DAB1: variants seen among roughly 807,000 people sequenced by gnomAD.
DAB1 encodes the protein disabled homolog 1.
Under a neutral mutation model 64.6 loss-of-function variants are expected in DAB1, and 15 were observed. The observed-to-expected ratio is 0.23, with a 90% confidence interval of 0.16 to 0.36. The LOEUF (loss-of-function observed/expected upper bound fraction) is 0.36, where lower values mean the gene tolerates loss of function less well. DAB1 is among the 10% of genes least tolerant of loss of function. The pLI, the probability that DAB1 is intolerant of heterozygous loss-of-function variation, is 1.00. For missense variants in DAB1, 596 were observed against 706.7 expected, an observed-to-expected ratio of 0.84 and a Z score of 1.78; for synonymous variants, 235 against 251.9, an observed-to-expected ratio of 0.93 and a Z score of 0.64.
intron 3 of DAB1, among the ~76,000 whole-genome samples, chr1:58,371,967 G>C (rs983547185): frequency 2.6e-5 from 4 of 152,246 alleles, no homozygotes; most frequent in African/African-American, 9.6e-5. Flanking sequence ...AGCCCTCATA[G>C]AGAACTTCTA....
intron 6 of DAB1, among the ~76,000 whole-genome samples, chr1:57,756,529 A>G (rs1648814756): frequency 6.6e-6 from 1 of 152,142 alleles, no homozygotes; most frequent in Non-Finnish European, 1.5e-5. Flanking sequence ...AGGGCAGGGA[A>G]GTTATTGGGG....
chr1:58,202,962 C>T (rs1658079723), intron 4 of DAB1, among the ~76,000 whole-genome samples: 1 of 152,188 alleles, frequency 6.6e-6, no homozygotes, highest in South Asian at 2.1e-4. Context: ...AGACAACCTG[C>T]TTTGCACCAT....
At chr1:57,891,933 T>A (rs533436954) in intron 5 of DAB1, among the ~76,000 whole-genome samples, 1 of 152,196 alleles carries the variant, frequency 6.6e-6, no homozygotes, top group Non-Finnish European at 1.5e-5. Context: ...CCATGGCACG[T>A]GTATACCTAG....
intron 3 of DAB1, among the ~76,000 whole-genome samples, chr1:58,439,774 C>T (rs1644987545): frequency 6.6e-6 from 1 of 152,206 alleles, no homozygotes. Flanking sequence ...GATTCTTAAA[C>T]AATATGTTGA....
intron 3 of DAB1, among the ~76,000 whole-genome samples, chr1:58,346,717 A>T (rs1644001076): frequency 6.6e-6 from 1 of 152,200 alleles, no homozygotes; most frequent in Admixed American, 6.5e-5. Flanking sequence ...TTCCACTAAC[A>T]AAGGACAAGT....
chr1:58,491,528 T>A (rs1447304107), intron 3 of DAB1, among the ~76,000 whole-genome samples: 1 of 152,078 alleles, frequency 6.6e-6, no homozygotes. Context: ...CCATCTCACG[T>A]GCAGAGACAC....
At chr1:57,547,302 G>A (rs1644867093) in intron 7 of DAB1, among the ~76,000 whole-genome samples, 1 of 24,044 alleles carries the variant, frequency 4.2e-5, no homozygotes, top group Admixed American at 9.0e-4. Context: ...TTATAATCTG[G>A]GTTAATTTTT....
intron 5 of DAB1, among the ~76,000 whole-genome samples, chr1:58,075,164 T>C (rs3121907): frequency 0.56 from 84,947 of 152,048 alleles, 24,325 homozygotes; most frequent in Middle Eastern, 0.65. Flanking sequence ...TTCTTTTCTG[T>C]TCATCTCTGT....
At chr1:57,535,706 C>T (rs780148077) in intron 7 of DAB1, among the ~76,000 whole-genome samples, 8 of 151,968 alleles carry the variant, frequency 5.3e-5, no homozygotes, top group Non-Finnish European at 8.8e-5. Context: ...GTGATCCACC[C>T]GCCTCAGCCT....
At chr1:57,124,629 C>T (rs1341366367) in intron 4 of DAB1, among the ~76,000 whole-genome samples, 1 of 152,140 alleles carries the variant, frequency 6.6e-6, no homozygotes, top group African/African-American at 2.4e-5. Flanking sequence ...GGCCACACTT[C>T]TCTGGTAATT....
chr1:57,014,202 C>A (rs1646351986), intron 12 of DAB1, among the ~76,000 whole-genome samples: 1 of 152,192 alleles, frequency 6.6e-6, no homozygotes, highest in Admixed American at 6.5e-5. Flanking sequence ...TGCCAAAAGG[C>A]ACAAAACTGG....
intron 2 of DAB1, among the ~76,000 whole-genome samples, chr1:57,199,917 C>A (rs197614): frequency 0.5 from 76,418 of 151,872 alleles, 19,720 homozygotes; most frequent in African/African-American, 0.6. Flanking sequence ...AGCCTATGGA[C>A]GGGCCAAATG....
At position 57,375,193 on chromosome 1, in the gene DAB1, C is replaced by T. The variant is rs555421456; in HGVS notation, c.-137+48737G>A. On this transcript the variant is annotated intron_variant, in intron 1 of 14. Coordinates refer to ENST00000371236, the MANE Select transcript of DAB1 (RefSeq NM_001365792.1). ...CAGGAGCAGGTGGCTGTCTCCTCTC[C>T]CACTCATTTCCTCCCCCACAGCTAA... is the stretch of plus-strand genomic sequence containing the variant. Among the ~76,000 whole-genome samples the T allele has an allele frequency of 1.2e-3, 177 of 152,214 alleles. 2 individuals carry two copies. The highest frequency in any genetic ancestry group is 3.9e-3 in the African/African-American group (164 of 41,538).
chr1:58,379,175 T>A (rs956068294), intron 3 of DAB1, among the ~76,000 whole-genome samples: 2 of 152,306 alleles, frequency 1.3e-5, no homozygotes, highest in African/African-American at 4.8e-5. Context: ...AGACCGGAGC[T>A]GTTCCTATTC....
At chr1:57,157,148 A>G (rs2100868225) in intron 2 of DAB1, among the ~76,000 whole-genome samples, 1 of 152,266 alleles carries the variant, frequency 6.6e-6, no homozygotes, top group Admixed American at 6.5e-5. Context: ...CACATCCAAG[A>G]CTATTATCTT....
At chr1:58,127,215 A>G (rs995316712) in intron 5 of DAB1, among the ~76,000 whole-genome samples, 7 of 152,062 alleles carry the variant, frequency 4.6e-5, no homozygotes, top group South Asian at 2.1e-4. Flanking sequence ...GCCAGTGATG[A>G]TGAGCATTTT....
At chr1:57,494,795 T>C (rs1558433790) in intron 7 of DAB1, among the ~76,000 whole-genome samples, 1 of 152,136 alleles carries the variant, frequency 6.6e-6, no homozygotes, top group Non-Finnish European at 1.5e-5. Flanking sequence ...AACAACAACC[T>C]TGTTCTGGAG....
chr1:57,256,657 T>C (rs374036674), intron 2 of DAB1, among the ~76,000 whole-genome samples: 4 of 152,232 alleles, frequency 2.6e-5, no homozygotes, highest in African/African-American at 9.6e-5. Flanking sequence ...CTTGCTTCCT[T>C]TTACTATCTT....
intron 2 of DAB1, among the ~76,000 whole-genome samples, chr1:57,219,692 T>C (rs2100375274): frequency 6.6e-6 from 1 of 152,240 alleles, no homozygotes; most frequent in African/African-American, 2.4e-5. Flanking sequence ...GGCAGAGAAT[T>C]TGGGGACTTC....
Sources: allele counts gnomAD v4.1 joint callset (sites outside exome capture counted in the v4.1 genomes callset), GRCh38; gene constraint gnomAD v4.1.1; transcripts MANE v1.5; gene names NCBI Gene and HGNC (gene_info 2026-07-23, HGNC 2026-07-21).